Variants in CFAP69 observed in about 807,000 individuals in gnomAD.
CFAP69 encodes the protein cilia and flagella associated protein 69, also known as cilia- and flagella-associated protein 69.
CFAP69 carries 92 observed loss-of-function variants against 123.0 expected under a neutral mutation model. The ratio of observed to expected loss-of-function variants is 0.75; its 90% CI spans 0.63 to 0.89. CFAP69 has a LOEUF of 0.89. Among genes scored for constraint, CFAP69 ranks in the 40% least tolerant of loss-of-function variants. The probability of loss-of-function intolerance (pLI) is 0.00; values close to 1 mark genes in which losing one functional copy is unlikely to be tolerated. For synonymous variants in CFAP69, 380 were observed against 364.3 expected (o/e 1.04, Z -0.49); for missense variants, 1,067 against 1,096.9 (o/e 0.97, Z 0.39).
At chr7:90,303,850 T>C (rs1190308985) in intron 17 of CFAP69, 119 bp from the exon 18 acceptor site, 2 of 1,296,302 alleles carry the variant, frequency 1.5e-6, no homozygotes, top group Non-Finnish European at 2.0e-6. Flanking sequence ...AGGCACTATT[T>C]TTTTGCTACA....
chr7:90,251,277 C>T (rs1311378926), intron 1 of CFAP69, among the ~76,000 whole-genome samples: 1 of 152,132 alleles, frequency 6.6e-6, no homozygotes, highest in Non-Finnish European at 1.5e-5. Flanking sequence ...GTGGGGGAGG[C>T]TTCAGGTCTA....
intron 1 of CFAP69, among the ~76,000 whole-genome samples, chr7:90,247,925 C>T (rs1016126223): frequency 1.3e-5 from 2 of 152,072 alleles, no homozygotes; most frequent in African/African-American, 4.8e-5. Context: ...ATAGAGAGAC[C>T]TATATATATA....
intron 1 of CFAP69, among the ~76,000 whole-genome samples, chr7:90,254,563 A>G (rs910654869): frequency 2.0e-5 from 3 of 152,228 alleles, no homozygotes; most frequent in East Asian, 1.9e-4. Flanking sequence ...CTTTCAGAAC[A>G]ATGTGATGGG....
the CFAP69 span, chr7:90,322,647 A>T: frequency 1.3e-5 from 2 of 152,228 alleles, no homozygotes; most frequent in Non-Finnish European, 2.9e-5. Flanking sequence ...TTCATAAAAC[A>T]TTTTTATCTG....
intron 1 of CFAP69, among the ~76,000 whole-genome samples, chr7:90,246,620 C>T (rs927038184): frequency 6.6e-6 from 1 of 152,158 alleles, no homozygotes; most frequent in Non-Finnish European, 1.5e-5. Context: ...GGACCTATTC[C>T]CCTCTGGGCG....
intron 1 of CFAP69, among the ~76,000 whole-genome samples, chr7:90,254,627 CT>C (rs1797428773): frequency 1.3e-5 from 2 of 152,078 alleles, no homozygotes; most frequent in Admixed American, 1.3e-4. Context: ...TTTTTCTAGC[CT>C]TTTTCATCCT....
Position 90,282,887 on chromosome 7 carries a change from C to T in CFAP69, c.1373-5C>T. On this transcript the variant is annotated splice_polypyrimidine_tract_variant and splice_region_variant and intron_variant, in intron 12 of 22. Transcript: ENST00000389297. ...TTGTTTTAAATTATCACTTTTTCTC[C>T]ACAGATCCGTTTTTCAGTCATGGTA... The T allele has an allele frequency of 6.9e-7, 1 of 1,458,308 alleles. No homozygotes were observed. Among genetic ancestry groups the T allele is most frequent in the Non-Finnish European group, 9.1e-7 (1 of 1,101,140 alleles). 90.3% of individuals were successfully genotyped at this position (1,458,308 alleles called of 1,614,324 possible). A position where few individuals can be genotyped will look rare whatever the true frequency, so the allele number is the denominator to read the frequency against.
At chr7:90,269,229 A>G (rs1799608218) in intron 6 of CFAP69, among the ~76,000 whole-genome samples, 1 of 152,074 alleles carries the variant, frequency 6.6e-6, no homozygotes, top group African/African-American at 2.4e-5. Flanking sequence ...ATGGGGAAGG[A>G]GTGTCTTGGT....
At chr7:90,259,473 TTTG>T (rs372930985) in intron 3 of CFAP69, among the ~76,000 whole-genome samples, 26,294 of 96,332 alleles carry the variant, frequency 0.27, 2,371 homozygotes, top group Non-Finnish European at 0.32. Flanking sequence ...TTTTGGGGTG[TTTG>T]TTTGTTTGTT....
chr7:90,249,125 G>A (rs1796670834), intron 1 of CFAP69, among the ~76,000 whole-genome samples: 1 of 152,130 alleles, frequency 6.6e-6, no homozygotes, highest in Non-Finnish European at 1.5e-5. Flanking sequence ...TAATCCCCAG[G>A]TGTTGAGGGA....
At chr7:90,284,556 A>G (rs1789976151) in intron 13 of CFAP69, among the ~76,000 whole-genome samples, 1 of 152,190 alleles carries the variant, frequency 6.6e-6, no homozygotes, top group Non-Finnish European at 1.5e-5. Flanking sequence ...GAAAGATAGC[A>G]TGTGTTAGCC....
At position 90,279,822 on chromosome 7, in the gene CFAP69, T is replaced by G; in HGVS notation, c.1301T>G (p.Leu434Ter). 6.2e-7 allele frequency: 1 copy of G among 1,613,176 alleles called. No individual in the cohort carries two copies. The highest frequency in any genetic ancestry group is 2.2e-5 in the East Asian group (1 of 44,822). The change falls in exon 12 of 23, where the codon TTA becomes TGA. Residue 434 changes from leucine (L) to a stop codon, truncating the protein, a stop_gained. Transcript: ENST00000389297. LOFTEE classifies it high-confidence loss of function. Reference protein sequence around the residue: ...IATLSSVAPLLIEEYMSCQGN... With the variant: ...IATLSSVAPL Reference sequence around the variant, plus strand: ...ACTTTGTCATCAGTGGCTCCTTTATTAATAGAAGAATACATGTCATGCCAG... The same window carrying G: ...ACTTTGTCATCAGTGGCTCCTTTATGAATAGAAGAATACATGTCATGCCAG...
chr7:90,300,282 T>C, intron 17 of CFAP69: 2 of 927,010 alleles, frequency 2.2e-6, no homozygotes, highest in Non-Finnish European at 2.6e-6. Flanking sequence ...AAATGGTATT[T>C]AATTATATTC....
At chr7:90,314,153 CA>C (rs1443029334), downstream of CFAP69, among the ~76,000 whole-genome samples, 6 of 152,232 alleles carry the variant, frequency 3.9e-5, no homozygotes, top group African/African-American at 1.4e-4. Flanking sequence ...TCACAACCCA[CA>C]GGAACCTCAG....
intron 1 of CFAP69, among the ~76,000 whole-genome samples, chr7:90,249,353 T>C (rs185290477): frequency 6.6e-6 from 1 of 152,314 alleles, no homozygotes; most frequent in Non-Finnish European, 1.5e-5. Context: ...GGTGGAACTG[T>C]GAGTCAATTA....
At chr7:90,286,977 A>G (rs1790383099) in intron 14 of CFAP69, among the ~76,000 whole-genome samples, 1 of 150,482 alleles carries the variant, frequency 6.6e-6, no homozygotes. Flanking sequence ...AATCTCAGTT[A>G]CTCGGGAGGC....
intron 5 of CFAP69, chr7:90,266,193 A>T (rs17867311): frequency 1.3e-5 from 2 of 152,270 alleles, no homozygotes; most frequent in African/African-American, 4.8e-5. Flanking sequence ...AAGGATTTTT[A>T]TTTTTAACAT....
At position 90,299,891 on chromosome 7, in the gene CFAP69, C is replaced by G. The variant is rs1184499860; in HGVS notation, c.1882C>G (p.Leu628Val). Residue 628 changes from leucine to valine, a missense_variant, in exon 17 of 23, where the codon CTA becomes GTA. Physicochemically the swap from Leu to Val is conservative, Grantham distance 32. Coordinates refer to ENST00000389297, the MANE Select transcript of CFAP69 (RefSeq NM_001039706.3). Reference protein sequence around the residue: ...LALNQKKFCNLILGIMVEFCD... With the variant: ...LALNQKKFCNVILGIMVEFCD... ...GTTGAACCAAAAAAAATTCTGTAATCTAATACTTGGAATAATGGTTGAATT... is the reference window on the plus strand; with the variant it reads ...GTTGAACCAAAAAAAATTCTGTAATGTAATACTTGGAATAATGGTTGAATT... The G allele has an allele frequency of 1.2e-6, 2 of 1,605,780 alleles. No individual in the cohort carries two copies. Among genetic ancestry groups the G allele is most frequent in the Non-Finnish European group, 1.7e-6 (2 of 1,176,402 alleles).
intron 12 of CFAP69, among the ~76,000 whole-genome samples, chr7:90,281,844 C>T (rs1409586563): frequency 6.6e-6 from 1 of 151,770 alleles, no homozygotes; most frequent in East Asian, 1.9e-4. Context: ...CATTTATTAC[C>T]CCTGTGACTG....
Sources: allele counts gnomAD v4.1 joint callset (sites outside exome capture counted in the v4.1 genomes callset), GRCh38; gene constraint gnomAD v4.1.1; transcripts MANE v1.5; gene names NCBI Gene and HGNC (gene_info 2026-07-23, HGNC 2026-07-21).